Variants in CARMIL1 observed in about 807,000 individuals in gnomAD.
CARMIL1 encodes F-actin-uncapping protein LRRC16A.
Under a neutral mutation model 177.1 loss-of-function variants are expected in CARMIL1, and 90 were observed. The ratio of observed to expected loss-of-function variants is 0.51; its 90% CI spans 0.43 to 0.61. CARMIL1 has a LOEUF of 0.61. Ranked by LOEUF, CARMIL1 falls within the 20% of genes least tolerant of loss-of-function variation. The probability of loss-of-function intolerance (pLI) is 0.00; values close to 1 mark genes in which losing one functional copy is unlikely to be tolerated. For synonymous variants in CARMIL1, 577 were observed against 606.2 expected (o/e 0.95, Z 0.71); for missense variants, 1,380 against 1,667.0 (o/e 0.83, Z 3.00).
At chr6:25,526,951 TTACTCTACTGAAGAAAAAAA>T (rs1253646742) in intron 23 of CARMIL1, among the ~76,000 whole-genome samples, 1 of 152,190 alleles carries the variant, frequency 6.6e-6, no homozygotes. Flanking sequence ...CTATTTACTT[TTACTCTACTGAAGAAAAAAA>T]TACTGTGATT....
chr6:25,396,614 G>A (rs1346068819), intron 2 of CARMIL1, among the ~76,000 whole-genome samples: 3 of 151,990 alleles, frequency 2.0e-5, no homozygotes, highest in Non-Finnish European at 4.4e-5. Context: ...TGCCCGCCTC[G>A]GCCTCCCAAA....
intron 2 of CARMIL1, among the ~76,000 whole-genome samples, chr6:25,308,758 G>A (rs1783493046): frequency 6.6e-6 from 1 of 151,976 alleles, no homozygotes; most frequent in South Asian, 2.1e-4. Flanking sequence ...TAATCATCAG[G>A]AGTATTGGAT....
intron 16 of CARMIL1, 132 bp downstream of exon 16, chr6:25,495,347 G>A: frequency 1.8e-6 from 1 of 547,544 alleles, no homozygotes; most frequent in Non-Finnish European, 3.1e-6. Flanking sequence ...TTACTCTGGG[G>A]CAGAAAAATA....
At chr6:25,389,606 T>C (rs1176237931) in intron 2 of CARMIL1, among the ~76,000 whole-genome samples, 1 of 152,182 alleles carries the variant, frequency 6.6e-6, no homozygotes, top group Non-Finnish European at 1.5e-5. Flanking sequence ...TTCTAGACAC[T>C]ATGAAACATG....
intron 2 of CARMIL1, among the ~76,000 whole-genome samples, chr6:25,368,905 A>G (rs1320158483): frequency 6.6e-6 from 1 of 152,146 alleles, no homozygotes; most frequent in African/African-American, 2.4e-5. Flanking sequence ...ATATAGAATG[A>G]TGTACTTATT....
At chr6:25,460,976 C>T (rs574426501) in intron 8 of CARMIL1, among the ~76,000 whole-genome samples, 31 of 152,320 alleles carry the variant, frequency 2.0e-4, no homozygotes, top group African/African-American at 5.5e-4. Context: ...CCTCCTTCTC[C>T]GCTTGCCCCA....
chr6:25,478,151 C>T (rs992266359), intron 11 of CARMIL1, among the ~76,000 whole-genome samples: 1 of 151,980 alleles, frequency 6.6e-6, no homozygotes, highest in Non-Finnish European at 1.5e-5. Flanking sequence ...TTTTTGTTGA[C>T]CTGAAGTACG....
chr6:25,508,071 A>G (rs1267854604), intron 17 of CARMIL1, among the ~76,000 whole-genome samples: 2 of 152,176 alleles, frequency 1.3e-5, no homozygotes, highest in South Asian at 2.1e-4. Context: ...AATTTTTACT[A>G]CTAAGGTTTC....
In CARMIL1 at chr6:25,294,794, C is replaced by T. The variant is rs140807019; in HGVS notation, c.138+9885C>T. 2.4e-3 allele frequency among the ~76,000 whole-genome samples: 368 copies of T among 152,318 alleles called. 3 individuals carry two copies. The highest frequency in any genetic ancestry group is 6.6e-3 in the Admixed American group (101 of 15,302). On this transcript the variant is annotated intron_variant, in intron 2 of 36. Coordinates refer to ENST00000329474, the MANE Select transcript of CARMIL1 (RefSeq NM_017640.6). ...TTCTGATCACCTTGCTTTGGAATCACCCTACTTTGTCCATGAACCTTTTAA... is the reference window on the plus strand; with the variant it reads ...TTCTGATCACCTTGCTTTGGAATCATCCTACTTTGTCCATGAACCTTTTAA...
At chr6:25,559,335 A>G (rs1224765768) in intron 29 of CARMIL1, among the ~76,000 whole-genome samples, 2 of 152,184 alleles carry the variant, frequency 1.3e-5, no homozygotes, top group Non-Finnish European at 2.9e-5. Context: ...TTGGGGGAAA[A>G]AAGTTTGCAG....
intron 8 of CARMIL1, among the ~76,000 whole-genome samples, chr6:25,456,235 C>A (rs189028390): frequency 6.6e-6 from 1 of 152,148 alleles, no homozygotes; most frequent in African/African-American, 2.4e-5. Flanking sequence ...CACTAAAACC[C>A]GTAAGATCTA....
intron 26 of CARMIL1, among the ~76,000 whole-genome samples, chr6:25,547,690 G>T (rs930831202): frequency 2.0e-5 from 3 of 152,114 alleles, no homozygotes; most frequent in African/African-American, 7.2e-5. Context: ...GAGTCTGATG[G>T]CTCTAGCTCT....
At chr6:25,468,597 G>A (rs2769703) in intron 9 of CARMIL1, among the ~76,000 whole-genome samples, 120,636 of 152,232 alleles carry the variant, frequency 0.79, 48,095 homozygotes, top group South Asian at 0.88. Flanking sequence ...GGATAACACT[G>A]TTGGAATTAT....
intron 23 of CARMIL1, among the ~76,000 whole-genome samples, chr6:25,524,011 A>T (rs142136252): frequency 1.1e-4 from 17 of 152,186 alleles, no homozygotes; most frequent in African/African-American, 2.4e-4. Flanking sequence ...TTGGAGAAAA[A>T]TTTCCTTTTT....
chr6:25,446,165 T>C (rs1014023683), intron 5 of CARMIL1, among the ~76,000 whole-genome samples: 1 of 152,198 alleles, frequency 6.6e-6, no homozygotes, highest in African/African-American at 2.4e-5. Context: ...GGCCTCAACT[T>C]AGAGTCACCA....
Position 25,302,367 on chromosome 6 carries a change from T to TGGTC in CARMIL1, c.138+17459_138+17462dup, listed in dbSNP as rs1224923643. Reference sequence around the variant, plus strand: ...ATTAGGGTAATATATTCTGGGAATGTGGTCCAGTGCTTGGTTTCAAGGCCA... The same window carrying TGGTC: ...ATTAGGGTAATATATTCTGGGAATGTGGTCGGTCCAGTGCTTGGTTTCAAGGCCA... On this transcript the variant is annotated intron_variant, in intron 2 of 36. Transcript: ENST00000329474. Among the ~76,000 whole-genome samples, 5 of 152,336 alleles carry TGGTC rather than the reference T, an allele frequency of 3.3e-5. No homozygotes were observed. The East Asian group carries it at 7.7e-4, about 23-fold the overall frequency.
At chr6:25,565,230 A>AG (rs1811447869) in intron 29 of CARMIL1, among the ~76,000 whole-genome samples, 1 of 151,444 alleles carries the variant, frequency 6.6e-6, no homozygotes, top group Non-Finnish European at 1.5e-5. Flanking sequence ...ATCTCACTTA[A>AG]GGGTTTGTTT....
At chr6:25,468,435 C>T (rs1055715647) in intron 9 of CARMIL1, among the ~76,000 whole-genome samples, 2 of 152,120 alleles carry the variant, frequency 1.3e-5, no homozygotes, top group African/African-American at 4.8e-5. Context: ...TTTTACTTTG[C>T]AATAGTTCAT....
intron 2 of CARMIL1, among the ~76,000 whole-genome samples, chr6:25,361,998 AG>A (rs1789248998): frequency 6.6e-6 from 1 of 152,226 alleles, no homozygotes; most frequent in African/African-American, 2.4e-5. Context: ...AAAAAAAGAA[AG>A]AAAAAATTTT....
Sources: allele counts gnomAD v4.1 joint callset (sites outside exome capture counted in the v4.1 genomes callset), GRCh38; gene constraint gnomAD v4.1.1; transcripts MANE v1.5; gene names NCBI Gene and HGNC (gene_info 2026-07-23, HGNC 2026-07-21).